CA12: variants seen among roughly 807,000 people sequenced by gnomAD.
CA12 encodes the protein carbonate dehydratase XII.
Under a neutral mutation model 46.8 loss-of-function variants are expected in CA12, and 36 were observed. That is an observed-to-expected ratio of 0.77 (90% confidence interval 0.59 to 1.02). The LOEUF is 1.02. Ranked by LOEUF, CA12 falls within the 50% of genes least tolerant of loss-of-function variation. CA12 has a pLI of 0.00. For missense variants in CA12, 436 were observed against 451.4 expected (o/e 0.97, Z 0.31); for synonymous variants, 202 against 187.0 (o/e 1.08, Z -0.65).
At chr15:63,335,559 GC>G (rs1281289366) in intron 8 of CA12, among the ~76,000 whole-genome samples, 1 of 151,088 alleles carries the variant, frequency 6.6e-6, no homozygotes, top group East Asian at 1.9e-4. Context: ...AAACTCTTGG[GC>G]TAATGTGATC....
In CA12 at chr15:63,373,529, AG is replaced by A. The variant is rs1567055830; in HGVS notation, c.106+2128del. Among the ~76,000 whole-genome samples the A allele has an allele frequency of 6.6e-6, 1 of 152,296 alleles. No homozygotes were observed. The highest frequency in any genetic ancestry group is 1.9e-4 in the East Asian group (1 of 5,176). On this transcript the variant is annotated intron_variant, in intron 2 of 10. Transcript: ENST00000178638. The surrounding 1 kb of genome is among the most constrained non-coding windows in gnomAD (Gnocchi z 4.9). ...AGAGGCCAGCAGAAGAGGTGGGGCA[AG>A]CTTCCTCTCTCTGGATAGACAGGTC... is the stretch of plus-strand genomic sequence containing the variant.
chr15:63,359,038 T>C (rs1427714683), intron 2 of CA12, among the ~76,000 whole-genome samples: 1 of 152,076 alleles, frequency 6.6e-6, no homozygotes, highest in East Asian at 1.9e-4. Context: ...CCCCTCAATG[T>C]CAGCTGTCAC....
At chr15:63,376,557 C>CCTTCCTTTCTTTCTTTCTTTCTTTCTTT (rs1555432625) in intron 1 of CA12, among the ~76,000 whole-genome samples, 7 of 104,622 alleles carry the variant, frequency 6.7e-5, no homozygotes, top group Admixed American at 1.1e-4. Flanking sequence ...CTCTTTCTTT[C>CCTTCCTTTCTTTCTTTCTTTCTTTCTTT]CTTTCTTTCT....
rs2039532568 is a variant in CA12, at chr15:63,373,510, C to T, written c.106+2148G>A. The stretch of plus-strand genomic sequence containing the variant: ...TGTGTTTCTATCATACCTGAGAGGC[C>T]AGCAGAAGAGGTGGGGCAAGCTTCC... On this transcript the variant is annotated intron_variant, in intron 2 of 10. Coordinates refer to ENST00000178638, the MANE Select transcript of CA12 (RefSeq NM_001218.5). This position sits in a 1 kb window ranked among gnomAD's most constrained non-coding sequence, Gnocchi z 4.9. Among the ~76,000 whole-genome samples, 2 of 152,162 alleles carry T rather than the reference C, an allele frequency of 1.3e-5. No homozygotes were observed. The highest frequency in any genetic ancestry group is 1.3e-4 in the Admixed American group (2 of 15,282).
intron 2 of CA12, among the ~76,000 whole-genome samples, chr15:63,353,098 C>T (rs1054874335): frequency 4.6e-5 from 7 of 152,094 alleles, no homozygotes; most frequent in Non-Finnish European, 8.8e-5. Context: ...GACCTTGCGG[C>T]ACTCACAGAC....
Position 63,340,477 on chromosome 15 carries a change from C to A in CA12, c.590-32G>T. 1 of 1,613,854 alleles carries A rather than the reference C, an allele frequency of 6.2e-7. No individual in the cohort carries two copies. The highest frequency in any genetic ancestry group is 1.1e-5 in the South Asian group (1 of 91,044). ...AGACATGTTGCAGAGGTGATAGTGT[C>A]AGCCTCCCTCCGTAGGGCATAAGTG... On this transcript the variant is annotated intron_variant, in intron 6 of 10. Transcript: ENST00000178638. The surrounding 1 kb of genome is among the most constrained non-coding windows in gnomAD (Gnocchi z 4.4).
At chr15:63,360,186 C>T (rs2039343683) in intron 2 of CA12, among the ~76,000 whole-genome samples, 2 of 152,308 alleles carry the variant, frequency 1.3e-5, no homozygotes, top group South Asian at 4.1e-4. Flanking sequence ...ACGTTTGCAC[C>T]TGTTTCCCCA....
chr15:63,346,531 T>C lies in CA12; in HGVS notation c.285A>G (p.Ser95=), dbSNP rs765081745. ...AGGTCTCCAAGGCCTCTCCCTCACC[T>C]GAATGGCCATTGTTGGTCAGGAGAA... The part of the protein sequence containing the change: ...KQFLLTNNGH[S]VKLNLPSDMH... Residue 95 remains serine (S), a splice_region_variant and synonymous_variant, in exon 3 of 11, where the codon TCA becomes TCG. Coordinates refer to ENST00000178638, the MANE Select transcript of CA12 (RefSeq NM_001218.5). The C allele has an allele frequency of 3.1e-6, 5 of 1,612,216 alleles. 1 individual carries two copies. The South Asian group carries it at 4.4e-5, about 14-fold the overall frequency.
rs2038812646 is a variant in CA12 at position 63,322,970 on chromosome 15, C to T, written c.*3315G>A. On this transcript the variant is annotated 3_prime_UTR_variant, in exon 11 of 11. Transcript: ENST00000178638. The surrounding 1 kb of genome is among the most constrained non-coding windows in gnomAD (Gnocchi z 4.1). ...CTAAATAAGGCAAACAATGATGGTA[C>T]CTATTTTATAACCTTTACTGGACTG... is the stretch of plus-strand genomic sequence containing the variant. The T allele has an allele frequency of 6.6e-6, 1 of 152,218 alleles. No homozygotes were observed. The highest frequency in any genetic ancestry group is 2.1e-4 in the South Asian group (1 of 4,832). The allele number at this position is 152,218 out of a possible 1,614,324, so 9.4% of individuals were successfully genotyped here. A position where few individuals can be genotyped will look rare whatever the true frequency, so the allele number is the denominator to read the frequency against.
chr15:63,327,729 T>C lies in CA12; in HGVS notation c.907+369A>G, dbSNP rs2038886668. Among the ~76,000 whole-genome samples the C allele has an allele frequency of 6.6e-6, 1 of 152,142 alleles. No homozygotes were observed. The highest frequency in any genetic ancestry group is 1.5e-5 in the Non-Finnish European group (1 of 68,018). On this transcript the variant is annotated intron_variant, in intron 9 of 10. Coordinates refer to ENST00000178638, the MANE Select transcript of CA12 (RefSeq NM_001218.5). The surrounding 1 kb of genome is among the most constrained non-coding windows in gnomAD (Gnocchi z 4.5). ...CATCAGTTTTGCCCCCAAGTTCCAT[T>C]GCACAGTCCTAAGCAGTCCCAGATG... is the stretch of plus-strand genomic sequence containing the variant.
intron 3 of CA12, 131 bp downstream of exon 3, chr15:63,346,399 A>ACCCCCCCCCCCCCCCCCCCCCCC: frequency 7.1e-6 from 5 of 705,626 alleles, no homozygotes; most frequent in Admixed American, 4.1e-5. Context: ...TCTCAAAGAC[A>ACCCCCCCCCCCCCCCCCCCCCCC]CCCCCGCCCC....
At chr15:63,364,341 A>AAAAAC (rs2039410065) in intron 2 of CA12, among the ~76,000 whole-genome samples, 1 of 148,830 alleles carries the variant, frequency 6.7e-6, no homozygotes, top group Non-Finnish European at 1.5e-5. Context: ...AGAAAAAAAA[A>AAAAAC]AAAAAAAAAA....
intron 2 of CA12, among the ~76,000 whole-genome samples, chr15:63,364,030 A>T (rs1358872406): frequency 6.6e-6 from 1 of 152,050 alleles, no homozygotes; most frequent in African/African-American, 2.4e-5. Context: ...TCTACTAAAA[A>T]TACAAAATTA....
chr15:63,349,672 T>G (rs2039200777), intron 2 of CA12, among the ~76,000 whole-genome samples: 1 of 152,244 alleles, frequency 6.6e-6, no homozygotes, highest in Non-Finnish European at 1.5e-5. Context: ...TGACTTTGGC[T>G]AAGTAACAGT....
chr15:63,342,216 CTAGGT>C (rs1466116021), intron 4 of CA12, 119 bp from the exon 5 acceptor site: 1 of 723,018 alleles, frequency 1.4e-6, no homozygotes, highest in Non-Finnish European at 2.5e-6. Context: ...GCCCCCCAGA[CTAGGT>C]TAGGTCTCTC....
At chr15:63,375,455 C>T (rs1319929851) in intron 2 of CA12, 5 of 534,778 alleles carry the variant, frequency 9.3e-6, no homozygotes, top group Non-Finnish European at 1.4e-5. Context: ...GGAGCAGGCT[C>T]GCCTGCTTGG....
At chr15:63,332,034 C>T (rs370085226) in intron 8 of CA12, among the ~76,000 whole-genome samples, 21 of 152,160 alleles carry the variant, frequency 1.4e-4, no homozygotes, top group African/African-American at 3.1e-4. Context: ...TGGCATGTTA[C>T]GTAGCGATAT....
At chr15:63,361,146 C>G (rs1366753731) in intron 2 of CA12, among the ~76,000 whole-genome samples, 2 of 152,134 alleles carry the variant, frequency 1.3e-5, no homozygotes, top group Non-Finnish European at 2.9e-5. Context: ...TTTGATAGAC[C>G]CTCTTACCTA....
At chr15:63,352,028 G>T (rs1005798735) in intron 2 of CA12, among the ~76,000 whole-genome samples, 1 of 152,088 alleles carries the variant, frequency 6.6e-6, no homozygotes, top group African/African-American at 2.4e-5. Context: ...ATGGTAAGGT[G>T]AGGGTAATGT....
Sources: gnomAD v4.1 joint callset for allele counts (sites outside exome capture counted in the v4.1 genomes callset) on GRCh38, gnomAD v4.1.1 for gene constraint, Gnocchi (gnomAD v3.1) non-coding constraint, MANE v1.5 for transcripts, NCBI Gene and HGNC (gene_info 2026-07-23, HGNC 2026-07-21) for gene names.